Variants in CORO1C observed in about 807,000 individuals in gnomAD.
CORO1C encodes coronin 1C.
In CORO1C, 14 loss-of-function variants were observed where a neutral mutation model predicts 51.2. That is an observed-to-expected ratio of 0.27 (90% confidence interval 0.18 to 0.43). The LOEUF (loss-of-function observed/expected upper bound fraction) is 0.43. Among genes scored for constraint, CORO1C ranks in the 20% least tolerant of loss-of-function variants. The probability of loss-of-function intolerance (pLI) is 1.00; values close to 1 mark genes in which losing one functional copy is unlikely to be tolerated. For missense variants in CORO1C, 417 were observed against 607.8 expected (o/e 0.69, Z 3.30); for synonymous variants, 181 against 210.5 (o/e 0.86, Z 1.21).
At chr12:108,666,049 C>T (rs1357358005) in intron 3 of CORO1C, among the ~76,000 whole-genome samples, 1 of 152,236 alleles carries the variant, frequency 6.6e-6, no homozygotes, top group Non-Finnish European at 1.5e-5. Flanking sequence ...ACGAAATTAG[C>T]TTCCTGCTAA....
intron 6 of CORO1C, among the ~76,000 whole-genome samples, chr12:108,656,325 G>A (rs552764557): frequency 1.1e-4 from 5 of 45,036 alleles, no homozygotes; most frequent in Non-Finnish European, 2.2e-4. Flanking sequence ...CGCCCCGTCC[G>A]GGAGGGAGGT....
At chr12:108,651,186 A>C (rs1223070635) in intron 8 of CORO1C, among the ~76,000 whole-genome samples, 4 of 152,242 alleles carry the variant, frequency 2.6e-5, no homozygotes, top group Admixed American at 6.5e-5. Flanking sequence ...TTTATTTGGA[A>C]GACGTAAGTA....
At chr12:108,678,135 A>C in intron 3 of CORO1C, 137 bp downstream of exon 3, 4 of 647,328 alleles carry the variant, frequency 6.2e-6, no homozygotes. Context: ...TTATTGTAAA[A>C]TCCAACAGAC....
intron 7 of CORO1C, 75 bp from the exon 8 acceptor site, chr12:108,652,492 C>T (rs2032724779): frequency 8.0e-7 from 1 of 1,253,582 alleles, no homozygotes; most frequent in African/African-American, 1.5e-5. Flanking sequence ...TCTCTCTCCT[C>T]TACAAACCCA....
At position 108,679,036 on chromosome 12, in the gene CORO1C, G is replaced by C. The variant is rs542047530; in HGVS notation, c.196-642C>G. Among the ~76,000 whole-genome samples the C allele has an allele frequency of 4.3e-4, 64 of 148,138 alleles. 1 individual carries two copies. In the South Asian group the frequency reaches 0.014, roughly 32 times the overall value. On this transcript the variant is annotated intron_variant, in intron 2 of 10. Coordinates refer to ENST00000261401, the MANE Select transcript of CORO1C (RefSeq NM_014325.4). ...TGAGGCAGGAGTATCGCTTGAACCC[G>C]GTAGGCAGAGGTTGCAGTGAGCCGA...
chr12:108,670,560 G>A (rs1453601349), intron 3 of CORO1C, among the ~76,000 whole-genome samples: 2 of 152,106 alleles, frequency 1.3e-5, no homozygotes, highest in African/African-American at 4.8e-5. Flanking sequence ...AGAAAGCAAG[G>A]CACCATGTTT....
intron 3 of CORO1C, among the ~76,000 whole-genome samples, chr12:108,669,511 G>A (rs745801590): frequency 8.6e-5 from 13 of 152,020 alleles, no homozygotes; most frequent in Non-Finnish European, 1.6e-4. Context: ...GGCTGAGAGC[G>A]TTTAAGCGAA....
chr12:108,671,872 C>T (rs896709881), intron 3 of CORO1C, among the ~76,000 whole-genome samples: 2 of 152,130 alleles, frequency 1.3e-5, no homozygotes, highest in Non-Finnish European at 1.5e-5. Context: ...AAGAGGTCCT[C>T]CCACCTCAGG....
intron 3 of CORO1C, among the ~76,000 whole-genome samples, chr12:108,667,521 C>T (rs1361901412): frequency 1.3e-5 from 2 of 152,178 alleles, no homozygotes; most frequent in African/African-American, 4.8e-5. Context: ...TTAAATAATG[C>T]TGTGTGTTCC....
At position 108,658,250 on chromosome 12, in the gene CORO1C, T is replaced by C. The variant is rs1464170134; in HGVS notation, c.630+488A>G. On this transcript the variant is annotated intron_variant, in intron 5 of 10. Coordinates refer to ENST00000261401, the MANE Select transcript of CORO1C (RefSeq NM_014325.4). This position sits in a 1 kb window ranked among gnomAD's most constrained non-coding sequence, Gnocchi z 4.9. ...TAGTAGAGACAGAGTTTCACCATGT[T>C]GGCCAGGCTGGTCTCAAACTCCTGA... Among the ~76,000 whole-genome samples, 1 of 152,166 alleles carries C rather than the reference T, an allele frequency of 6.6e-6. No individual in the cohort carries two copies. The highest frequency in any genetic ancestry group is 1.5e-5 in the Non-Finnish European group (1 of 68,032).
intron 1 of CORO1C, chr12:108,702,800 C>A (rs1447960655): frequency 2.0e-6 from 3 of 1,528,356 alleles, no homozygotes; most frequent in Non-Finnish European, 2.6e-6. Context: ...TCTTACCCTT[C>A]CAACGCATGT....
intron 1 of CORO1C, among the ~76,000 whole-genome samples, chr12:108,722,925 C>T (rs969798641): frequency 1.3e-5 from 2 of 152,198 alleles, no homozygotes; most frequent in African/African-American, 4.8e-5. Flanking sequence ...AAAAAGAAGA[C>T]TTCCAACTTA....
intron 2 of CORO1C, among the ~76,000 whole-genome samples, chr12:108,694,304 A>G (rs1040964601): frequency 2.6e-4 from 35 of 133,404 alleles, no homozygotes; most frequent in African/African-American, 8.4e-4. Flanking sequence ...AAAAAAAAAA[A>G]GCAAGAACCC....
At chr12:108,655,980 C>T (rs963379786) in intron 6 of CORO1C, among the ~76,000 whole-genome samples, 1 of 151,270 alleles carries the variant, frequency 6.6e-6, no homozygotes, top group African/African-American at 2.4e-5. Flanking sequence ...TGGGGAGCGC[C>T]TCTGCTCCGC....
intron 1 of CORO1C, among the ~76,000 whole-genome samples, chr12:108,719,628 A>G (rs1260459949): frequency 6.6e-6 from 1 of 152,220 alleles, no homozygotes; most frequent in African/African-American, 2.4e-5. Context: ...GGTGCTGGGC[A>G]GGGCACACCT....
intron 2 of CORO1C, among the ~76,000 whole-genome samples, 164 bp from the exon 3 acceptor site, chr12:108,678,558 A>T (rs932732032): frequency 3.3e-5 from 5 of 152,308 alleles, no homozygotes; most frequent in Middle Eastern, 3.4e-3. Flanking sequence ...AAAAGCCACT[A>T]CCAAGGACAT....
chr12:108,657,051 TAAAATTAAAA>T (rs930461220), intron 6 of CORO1C, among the ~76,000 whole-genome samples: 3 of 150,476 alleles, frequency 2.0e-5, no homozygotes, highest in African/African-American at 2.4e-5. Flanking sequence ...CCAATAAAAT[TAAAATTAAAA>T]AAAATTAAAA....
intron 3 of CORO1C, among the ~76,000 whole-genome samples, chr12:108,675,065 T>C (rs543626671): frequency 6.6e-6 from 1 of 152,238 alleles, no homozygotes; most frequent in African/African-American, 2.4e-5. Flanking sequence ...CGTGGTCTCA[T>C]CCAGCCCAAC....
intron 2 of CORO1C, among the ~76,000 whole-genome samples, chr12:108,694,080 G>A (rs149292814): frequency 5.9e-5 from 9 of 152,090 alleles, no homozygotes; most frequent in African/African-American, 1.9e-4. Flanking sequence ...TCAGGAGTTC[G>A]AGACCAGCCT....
Sources: allele counts gnomAD v4.1 joint callset (sites outside exome capture counted in the v4.1 genomes callset), GRCh38; gene constraint gnomAD v4.1.1; non-coding constraint Gnocchi (gnomAD v3.1); transcripts MANE v1.5; gene names NCBI Gene and HGNC (gene_info 2026-07-23, HGNC 2026-07-21).